RBFOX1: variants seen among roughly 807,000 people sequenced by gnomAD.
RBFOX1 encodes the protein RNA binding protein fox-1 homolog 1.
A neutral mutation model predicts 57.7 loss-of-function variants in RBFOX1; 8 were observed. The observed-to-expected ratio is 0.14, with a 90% CI of 0.08 to 0.25. The LOEUF (loss-of-function observed/expected upper bound fraction) is 0.25, where lower values mean the gene tolerates loss of function less well. Among genes scored for constraint, RBFOX1 ranks in the 10% least tolerant of loss-of-function variants. RBFOX1 has a pLI of 1.00. For missense variants in RBFOX1, 611 were observed against 548.5 expected (o/e 1.11, Z -1.14); for synonymous variants, 326 against 222.4 (o/e 1.47, Z -4.15).
chr16:6,437,137 A>G (rs1461101189), intron 2 of RBFOX1, among the ~76,000 whole-genome samples: 1 of 152,162 alleles, frequency 6.6e-6, no homozygotes, highest in East Asian at 1.9e-4. Flanking sequence ...CACAGACACT[A>G]TTTTAGGAGA....
chr16:7,198,041 T>C (rs2087238246), intron 4 of RBFOX1, among the ~76,000 whole-genome samples: 1 of 135,544 alleles, frequency 7.4e-6, no homozygotes, highest in African/African-American at 2.8e-5. Context: ...AGTCTTGCTC[T>C]GTCGCCCAGG....
In RBFOX1 at chr16:6,609,791, C is replaced by T. The variant is rs138162247; in HGVS notation, c.-63-44812C>T. On this transcript the variant is annotated intron_variant, in intron 2 of 15. Coordinates refer to ENST00000550418, the MANE Select transcript of RBFOX1 (RefSeq NM_018723.4). ...TTGGGAGGCCGAGGCAGGCAAATTA[C>T]AAGGTCAAAAGGTCAAGACCATCCT... is the stretch of plus-strand genomic sequence containing the variant. Among the ~76,000 whole-genome samples, 91 of 152,090 alleles carry T rather than the reference C, an allele frequency of 6.0e-4. 3 individuals carry two copies. In the East Asian group the frequency reaches 0.015, roughly 25 times the overall value.
chr16:5,708,404 G>A (rs547737747), intron 3 of RBFOX1, among the ~76,000 whole-genome samples: 28 of 152,210 alleles, frequency 1.8e-4, no homozygotes, highest in African/African-American at 6.3e-4. Context: ...CAAAAACATG[G>A]TTTTTCTCTC....
rs530458979 is a variant in RBFOX1, at chr16:6,179,664, C to A, written c.-126-137331C>A. 3.9e-5 allele frequency among the ~76,000 whole-genome samples: 6 copies of A among 152,300 alleles called. No homozygotes were observed. The South Asian group carries it at 1.2e-3, about 32-fold the overall frequency. ...ACAGCACCTGCTGCTGCCTCTCCTTCTCCTCTTCTTTCCCCACCCTTTCCT... is the reference window on the plus strand; with the variant it reads ...ACAGCACCTGCTGCTGCCTCTCCTTATCCTCTTCTTTCCCCACCCTTTCCT... On this transcript the variant is annotated intron_variant, in intron 1 of 15. Coordinates refer to ENST00000550418, the MANE Select transcript of RBFOX1 (RefSeq NM_018723.4).
At chr16:5,251,046 T>G (rs1280436684) in intron 1 of RBFOX1, among the ~76,000 whole-genome samples, 4 of 152,170 alleles carry the variant, frequency 2.6e-5, no homozygotes. Flanking sequence ...TTTCTTTTAT[T>G]CACACTAATC....
chr16:6,956,283 T>C (rs1172629406), intron 3 of RBFOX1, among the ~76,000 whole-genome samples: 1 of 151,990 alleles, frequency 6.6e-6, no homozygotes, highest in East Asian at 1.9e-4. Context: ...TGAAGAGAGT[T>C]TTTAGAGAGT....
chr16:5,921,588 AGG>A (rs534747387), intron 4 of RBFOX1, among the ~76,000 whole-genome samples: 131 of 152,290 alleles, frequency 8.6e-4, no homozygotes, highest in Non-Finnish European at 1.5e-3. Context: ...AAGGTAATGA[AGG>A]GGATGAGAAA....
chr16:7,696,619 A>AAT (rs201696625), intron 14 of RBFOX1, among the ~76,000 whole-genome samples: 1,638 of 152,254 alleles, frequency 0.011, 17 homozygotes, highest in Middle Eastern at 0.051. Flanking sequence ...CATAGCATTA[A>AAT]ATGAGTCAGG....
chr16:5,810,638 C>T (rs941219798), intron 3 of RBFOX1, among the ~76,000 whole-genome samples: 2 of 152,186 alleles, frequency 1.3e-5, no homozygotes, highest in Non-Finnish European at 2.9e-5. Context: ...AACTCCTAAA[C>T]AGCTGTACCA....
At chr16:6,138,288 C>T (rs1216766078) in intron 1 of RBFOX1, among the ~76,000 whole-genome samples, 1 of 152,132 alleles carries the variant, frequency 6.6e-6, no homozygotes, top group Admixed American at 6.6e-5. Flanking sequence ...ACAAGGGGGC[C>T]CCATGTTTTT....
In RBFOX1 at chr16:7,079,880, G is replaced by T. The variant is rs187165907; in HGVS notation, c.27+27782G>T. Among the ~76,000 whole-genome samples, 132 of 151,976 alleles carry T rather than the reference G, an allele frequency of 8.7e-4. 1 individual carries two copies. The highest frequency in any genetic ancestry group is 9.7e-4 in the East Asian group (5 of 5,158). ...ATTATTAAGTGAGTGTAGAATTCCA[G>T]TTTTGCAAGATAAGAAAAAGTTCTG... On this transcript the variant is annotated intron_variant, in intron 4 of 15. Coordinates refer to ENST00000550418, the MANE Select transcript of RBFOX1 (RefSeq NM_018723.4).
chr16:5,957,957 C>T (rs1053525456), intron 4 of RBFOX1, among the ~76,000 whole-genome samples: 1 of 152,108 alleles, frequency 6.6e-6, no homozygotes, highest in Admixed American at 6.6e-5. Context: ...ACCTTCCCCC[C>T]ACCATCCTCT....
intron 4 of RBFOX1, among the ~76,000 whole-genome samples, chr16:7,080,291 G>T (rs2058990404): frequency 6.6e-6 from 1 of 152,066 alleles, no homozygotes; most frequent in Admixed American, 6.6e-5. Context: ...TATCTCAGCA[G>T]ATAGCTGAAC....
At chr16:6,671,093 C>T (rs1481700753) in intron 3 of RBFOX1, among the ~76,000 whole-genome samples, 2 of 152,184 alleles carry the variant, frequency 1.3e-5, no homozygotes, top group Non-Finnish European at 2.9e-5. Flanking sequence ...TATGAACAAC[C>T]AGATAATTAT....
chr16:5,301,626 A>AAAC (rs2063807568), intron 1 of RBFOX1, among the ~76,000 whole-genome samples: 2 of 149,816 alleles, frequency 1.3e-5, no homozygotes, highest in Non-Finnish European at 1.5e-5. Flanking sequence ...CTCAAAAAAA[A>AAAC]AAAAAAAAAA....
At chr16:6,846,063 A>C (rs548604771) in intron 3 of RBFOX1, among the ~76,000 whole-genome samples, 2 of 152,200 alleles carry the variant, frequency 1.3e-5, no homozygotes, top group Non-Finnish European at 1.5e-5. Flanking sequence ...TCACAGTTGT[A>C]ATCTGTGTCC....
chr16:6,661,254 T>C, intron 3 of RBFOX1, among the ~76,000 whole-genome samples: 1 of 152,192 alleles, frequency 6.6e-6, no homozygotes. Flanking sequence ...AAGCTAACTC[T>C]CAGTGGGTTA....
In RBFOX1 at chr16:6,798,331, G is replaced by C. The variant is rs1315218329; in HGVS notation, c.-16+143681G>C. Among the ~76,000 whole-genome samples the C allele has an allele frequency of 2.0e-5, 3 of 152,166 alleles. 1 individual carries two copies. Among genetic ancestry groups the C allele is most frequent in the Middle Eastern group, 6.8e-3 (2 of 292 alleles). ...TGCATTTTTGATAAACTCTGAAAAA[G>C]GTTAAATTTTGAGAATTGATGGATT... On this transcript the variant is annotated intron_variant, in intron 3 of 15. Transcript: ENST00000550418.
intron 4 of RBFOX1, among the ~76,000 whole-genome samples, chr16:7,471,541 C>T (rs936149542): frequency 7.9e-5 from 12 of 152,084 alleles, no homozygotes; most frequent in Non-Finnish European, 5.9e-5. Context: ...TACTTCTGAA[C>T]ATCAGTAGGA....
Sources: allele counts gnomAD v4.1 joint callset (sites outside exome capture counted in the v4.1 genomes callset), GRCh38; gene constraint gnomAD v4.1.1; transcripts MANE v1.5; gene names NCBI Gene and HGNC (gene_info 2026-07-23, HGNC 2026-07-21).